The following GABRB3 variants were observed in gnomAD, a reference collection of about 807,000 sequenced individuals.
The protein encoded by GABRB3 is gamma-aminobutyric acid receptor subunit beta-3.
GABRB3 carries 14 observed loss-of-function variants against 52.1 expected under a neutral mutation model. The ratio of observed to expected loss-of-function variants is 0.27; its 90% confidence interval spans 0.18 to 0.42. The LOEUF is 0.42. Among genes scored for constraint, GABRB3 ranks in the 10% least tolerant of loss-of-function variants. The pLI, the probability that GABRB3 is intolerant of heterozygous loss-of-function variation, is 1.00. For missense variants in GABRB3, 307 were observed against 609.1 expected (o/e 0.50, Z 5.22); for synonymous variants, 260 against 232.3 (o/e 1.12, Z -1.08).
At chr15:26,626,454 C>G (rs1344420412) in intron 3 of GABRB3, among the ~76,000 whole-genome samples, 2 of 152,138 alleles carry the variant, frequency 1.3e-5, no homozygotes, top group Non-Finnish European at 2.9e-5. Flanking sequence ...GTGAGGGAGG[C>G]AGGTCAAATG....
chr15:26,550,887 A>G (rs1286866928), intron 8 of GABRB3, among the ~76,000 whole-genome samples: 1 of 152,238 alleles, frequency 6.6e-6, no homozygotes, highest in Non-Finnish European at 1.5e-5. Context: ...TTACAGTGGC[A>G]ATCAAAACTA....
intron 3 of GABRB3, among the ~76,000 whole-genome samples, chr15:26,626,570 C>T (rs1422627715): frequency 6.6e-6 from 1 of 152,166 alleles, no homozygotes; most frequent in Non-Finnish European, 1.5e-5. Flanking sequence ...AAAAGTGCTA[C>T]TCTGGGGAAT....
intron 4 of GABRB3, among the ~76,000 whole-genome samples, chr15:26,608,051 T>C (rs1219907430): frequency 1.3e-5 from 2 of 151,060 alleles, no homozygotes. Flanking sequence ...CACACTACCT[T>C]ATTTCAAACT....
At chr15:26,771,470 C>T (rs1891141510) in intron 3 of GABRB3, among the ~76,000 whole-genome samples, 1 of 152,180 alleles carries the variant, frequency 6.6e-6, no homozygotes, top group South Asian at 2.1e-4. Context: ...AGAAAAGTTG[C>T]CAAACAATTT....
At chr15:26,579,288 GC>G (rs1890703901) in intron 6 of GABRB3, among the ~76,000 whole-genome samples, 1 of 152,204 alleles carries the variant, frequency 6.6e-6, no homozygotes, top group Admixed American at 6.5e-5. Context: ...TGTGAGCAGA[GC>G]TGGAAGGTGG....
intron 3 of GABRB3, among the ~76,000 whole-genome samples, chr15:26,622,199 A>G (rs1297376036): frequency 6.6e-6 from 1 of 152,100 alleles, no homozygotes; most frequent in Non-Finnish European, 1.5e-5. Flanking sequence ...AGGATATGGG[A>G]GGTGGGAGAC....
chr15:26,625,512 A>C (rs936215979), intron 3 of GABRB3: 4 of 984,956 alleles, frequency 4.1e-6, no homozygotes, highest in Non-Finnish European at 4.8e-6. Context: ...AGAGTCTGTC[A>C]GAGTTTTGAA....
At chr15:26,737,616 AAT>A (rs1491297437) in intron 3 of GABRB3, among the ~76,000 whole-genome samples, 1 of 150,808 alleles carries the variant, frequency 6.6e-6, no homozygotes, top group Non-Finnish European at 1.5e-5. Context: ...AATTTACTAC[AAT>A]GTGTGTGTGT....
intron 3 of GABRB3, among the ~76,000 whole-genome samples, chr15:26,680,283 T>A (rs1888197748): frequency 6.6e-6 from 1 of 152,184 alleles, no homozygotes; most frequent in Non-Finnish European, 1.5e-5. Flanking sequence ...AGCCAACTGG[T>A]TAAAATGAGT....
chr15:26,653,693 G>A (rs1887271952), intron 3 of GABRB3, among the ~76,000 whole-genome samples: 1 of 152,156 alleles, frequency 6.6e-6, no homozygotes, highest in Non-Finnish European at 1.5e-5. Context: ...TGGACCCATT[G>A]GGTGGTTACA....
At chr15:26,574,064 C>T (rs1890508151) in intron 6 of GABRB3, among the ~76,000 whole-genome samples, 1 of 152,010 alleles carries the variant, frequency 6.6e-6, no homozygotes, top group South Asian at 2.1e-4. Context: ...GAAAAGAATG[C>T]TTATAAAAAA....
chr15:26,748,357 T>A (rs531564574), intron 3 of GABRB3, among the ~76,000 whole-genome samples: 4 of 152,292 alleles, frequency 2.6e-5, no homozygotes, highest in African/African-American at 9.6e-5. Flanking sequence ...GAGATTTCTT[T>A]TTTGGGAACT....
chr15:26,584,916 T>A (rs1219930006), intron 4 of GABRB3, among the ~76,000 whole-genome samples: 1 of 151,862 alleles, frequency 6.6e-6, no homozygotes, highest in East Asian at 1.9e-4. Context: ...AAAGGCAGAG[T>A]GGAGCTAAAG....
In GABRB3 at chr15:26,554,021, T is replaced by TTTTATATATATATATATATATA. The variant is rs1555400756; in HGVS notation, c.1081-5888_1081-5887insTATATATATATATATATATAAA. Among the ~76,000 whole-genome samples, 137 of 23,664 alleles carry TTTTATATATATATATATATATA rather than the reference T, an allele frequency of 5.8e-3. 5 individuals carry two copies. The highest frequency in any genetic ancestry group is 0.025 in the African/African-American group (135 of 5,478). 15.5% of individuals were successfully genotyped at this position (23,664 alleles called of 152,430 possible). On this transcript the variant is annotated intron_variant, in intron 8 of 8. Coordinates refer to ENST00000311550, the MANE Select transcript of GABRB3 (RefSeq NM_000814.6). ...TCCCGAGTAGCTGACACCTGACTAT[T>TTTTATATATATATATATATATA]TATATATATATATATTTATTTATTT...
At chr15:26,560,859 A>G (rs1432384277) in intron 8 of GABRB3, 73 bp downstream of exon 8, 18 of 1,603,144 alleles carry the variant, frequency 1.1e-5, no homozygotes, top group African/African-American at 5.4e-5. Flanking sequence ...AAAACAAAGA[A>G]ATATCATGCA....
At chr15:26,709,451 G>A (rs1006784247) in intron 3 of GABRB3, among the ~76,000 whole-genome samples, 2 of 151,430 alleles carry the variant, frequency 1.3e-5, no homozygotes, top group African/African-American at 4.9e-5. Context: ...TGCTGATGGT[G>A]CCATGCTTCT....
chr15:26,548,232 G>A, intron 8 of GABRB3, 98 bp from the exon 9 acceptor site: 1 of 958,694 alleles, frequency 1.0e-6, no homozygotes. Context: ...CATGTTGCAT[G>A]TTTTACGAGA....
chr15:26,616,855 C>T (rs1173421472), intron 4 of GABRB3, among the ~76,000 whole-genome samples: 2 of 152,010 alleles, frequency 1.3e-5, no homozygotes, highest in East Asian at 1.9e-4. Flanking sequence ...GAATTTATTA[C>T]AGAGCTTTTT....
chr15:26,659,278 T>C (rs1165850639), intron 3 of GABRB3, among the ~76,000 whole-genome samples: 1 of 152,216 alleles, frequency 6.6e-6, no homozygotes, highest in Non-Finnish European at 1.5e-5. Context: ...ATCCCAGCAC[T>C]TTGGGAGGCT....
Sources: gnomAD v4.1 joint callset for allele counts (sites outside exome capture counted in the v4.1 genomes callset) on GRCh38, gnomAD v4.1.1 for gene constraint, MANE v1.5 for transcripts, NCBI Gene and HGNC (gene_info 2026-07-23, HGNC 2026-07-21) for gene names.